Variants in STARD3NL observed in about 807,000 individuals in gnomAD.
STARD3NL encodes the protein STARD3 N-terminal-like protein.
In STARD3NL, 17 loss-of-function variants were observed where a neutral mutation model predicts 30.9. The ratio of observed to expected loss-of-function variants is 0.55; its 90% confidence interval spans 0.38 to 0.82. The LOEUF (loss-of-function observed/expected upper bound fraction) is 0.82, where lower values mean the gene tolerates loss of function less well. Among genes scored for constraint, STARD3NL ranks in the 40% least tolerant of loss-of-function variants. The pLI, the probability that STARD3NL is intolerant of heterozygous loss-of-function variation, is 0.00. For synonymous variants in STARD3NL, 112 were observed against 100.5 expected (o/e 1.11, Z -0.69); for missense variants, 234 against 277.6 (o/e 0.84, Z 1.12).
chr7:38,205,642 A>T (rs1785420363), intron 1 of STARD3NL, among the ~76,000 whole-genome samples: 1 of 151,686 alleles, frequency 6.6e-6, no homozygotes, highest in South Asian at 2.1e-4. Flanking sequence ...TATAATATAC[A>T]CTATTCAGTT....
chr7:38,203,275 A>G (rs1785276261), intron 1 of STARD3NL, among the ~76,000 whole-genome samples: 1 of 152,240 alleles, frequency 6.6e-6, no homozygotes, highest in African/African-American at 2.4e-5. Flanking sequence ...TCAGACTAAC[A>G]GCTGATCTCT....
chr7:38,200,214 C>T (rs1053975048), intron 1 of STARD3NL, among the ~76,000 whole-genome samples: 2 of 152,126 alleles, frequency 1.3e-5, no homozygotes, highest in Non-Finnish European at 2.9e-5. Flanking sequence ...TAGATGTAGT[C>T]CTCCCCACTG....
chr7:38,219,713 TCTTC>T (rs992693330), intron 7 of STARD3NL, 53 bp downstream of exon 7: 131 of 1,459,832 alleles, frequency 9.0e-5, no homozygotes, highest in Middle Eastern at 1.8e-4. Flanking sequence ...AAGGCTCTGC[TCTTC>T]CTTCCTTTCC....
At chr7:38,219,419 AT>A in intron 6 of STARD3NL, 145 bp from the exon 7 acceptor site, 2 of 538,020 alleles carry the variant, frequency 3.7e-6, no homozygotes, top group Non-Finnish European at 6.7e-6. Flanking sequence ...AATGAAACTT[AT>A]TGTTTGGTTG....
intron 6 of STARD3NL, 28 bp from the exon 7 acceptor site, chr7:38,219,537 C>T (rs1379584646): frequency 6.5e-7 from 1 of 1,539,576 alleles, no homozygotes; most frequent in Non-Finnish European, 8.9e-7. Flanking sequence ...TGACCTCATT[C>T]CCAACATCTG....
At chr7:38,180,014 A>C (rs1472646875) in intron 1 of STARD3NL, among the ~76,000 whole-genome samples, 1 of 152,248 alleles carries the variant, frequency 6.6e-6, no homozygotes, top group East Asian at 1.9e-4. Flanking sequence ...CAGTGGTCAG[A>C]GGTGACACTG....
intron 1 of STARD3NL, among the ~76,000 whole-genome samples, chr7:38,199,331 C>T (rs1562605425): frequency 6.6e-6 from 1 of 152,194 alleles, no homozygotes; most frequent in Non-Finnish European, 1.5e-5. Context: ...CCAAGCTTTT[C>T]CTCAGAAACA....
chr7:38,181,965 CT>C (rs1784266412), intron 1 of STARD3NL, among the ~76,000 whole-genome samples: 1 of 152,186 alleles, frequency 6.6e-6, no homozygotes, highest in South Asian at 2.1e-4. Flanking sequence ...TCAAATGCTG[CT>C]TTATCAATAA....
chr7:38,200,514 T>C (rs763888375), intron 1 of STARD3NL, among the ~76,000 whole-genome samples: 12 of 152,066 alleles, frequency 7.9e-5, no homozygotes, highest in Non-Finnish European at 1.5e-4. Context: ...TCAAATACAT[T>C]TGTATTTAGA....
chr7:38,210,960 A>G (rs1020511458), intron 2 of STARD3NL, among the ~76,000 whole-genome samples: 1 of 152,190 alleles, frequency 6.6e-6, no homozygotes, highest in Admixed American at 6.5e-5. Context: ...GATCAATTTA[A>G]TAAACTAATA....
At chr7:38,180,641 T>G (rs1784209349) in intron 1 of STARD3NL, among the ~76,000 whole-genome samples, 1 of 152,266 alleles carries the variant, frequency 6.6e-6, no homozygotes, top group African/African-American at 2.4e-5. Context: ...GAGCTAGTAC[T>G]GATGGAGCTT....
Position 38,227,104 on chromosome 7 carries a change from C to T in STARD3NL, c.650-1695C>T, listed in dbSNP as rs1786814741. ...GGGAGAGGATTTATTGACTTCTTCA[C>T]TTGGCCGTAGCAAGAAGTCTCTTTT... On this transcript the variant is annotated intron_variant, in intron 7 of 8. Transcript: ENST00000009041. 2.0e-5 allele frequency among the ~76,000 whole-genome samples: 3 copies of T among 152,188 alleles called. No homozygotes were observed. In the South Asian group the frequency reaches 6.2e-4, roughly 31 times the overall value.
chr7:38,190,246 G>T (rs1479080270), intron 1 of STARD3NL, among the ~76,000 whole-genome samples: 1 of 152,156 alleles, frequency 6.6e-6, no homozygotes, highest in Non-Finnish European at 1.5e-5. Context: ...ATTTCATCAT[G>T]CCACTCATGA....
chr7:38,229,529 C>T (rs1786978370), intron 8 of STARD3NL, among the ~76,000 whole-genome samples: 1 of 152,198 alleles, frequency 6.6e-6, no homozygotes, highest in Admixed American at 6.5e-5. Flanking sequence ...ATTGTAGTAG[C>T]AGCAAATCTG....
intron 7 of STARD3NL, among the ~76,000 whole-genome samples, chr7:38,226,086 A>G (rs921142484): frequency 6.8e-6 from 1 of 147,944 alleles, no homozygotes; most frequent in Non-Finnish European, 1.5e-5. Context: ...TCACTCAGAG[A>G]TAGTTTGTTT....
intron 4 of STARD3NL, chr7:38,215,383 C>T: frequency 2.2e-6 from 1 of 445,514 alleles, no homozygotes; most frequent in Admixed American, 3.9e-5. Context: ...CCCTCTACCT[C>T]ATTTTGCAAA....
At chr7:38,179,876 G>T (rs916432526) in intron 1 of STARD3NL, among the ~76,000 whole-genome samples, 1 of 152,194 alleles carries the variant, frequency 6.6e-6, no homozygotes, top group Non-Finnish European at 1.5e-5. Context: ...AAATGGGCTG[G>T]AAGTTTCTAG....
At chr7:38,223,341 G>C (rs1470435247) in intron 7 of STARD3NL, among the ~76,000 whole-genome samples, 1 of 152,168 alleles carries the variant, frequency 6.6e-6, no homozygotes, top group East Asian at 1.9e-4. Context: ...TAAATGGAAA[G>C]AATTAGGAAG....
chr7:38,183,664 A>G (rs1307395021), intron 1 of STARD3NL, among the ~76,000 whole-genome samples: 2 of 152,222 alleles, frequency 1.3e-5, no homozygotes, highest in Non-Finnish European at 2.9e-5. Context: ...CATTTTTATT[A>G]ATTTCATTGT....
Sources: gnomAD v4.1 joint callset for allele counts (sites outside exome capture counted in the v4.1 genomes callset) on GRCh38, gnomAD v4.1.1 for gene constraint, MANE v1.5 for transcripts, NCBI Gene and HGNC (gene_info 2026-07-23, HGNC 2026-07-21) for gene names.